SSBP2: variants seen among roughly 807,000 people sequenced by gnomAD.
SSBP2 encodes single-stranded DNA-binding protein 2.
A neutral mutation model predicts 61.8 loss-of-function variants in SSBP2; 17 were observed. The observed-to-expected ratio is 0.28, with a 90% CI of 0.19 to 0.41. The LOEUF is 0.41. Among genes scored for constraint, SSBP2 ranks in the 10% least tolerant of loss-of-function variants. The probability of loss-of-function intolerance (pLI) is 1.00; values close to 1 mark genes in which losing one functional copy is unlikely to be tolerated. For missense variants in SSBP2, 310 were observed against 458.7 expected, an observed-to-expected ratio of 0.68 and a Z score of 2.96; for synonymous variants, 139 against 141.3, an observed-to-expected ratio of 0.98 and a Z score of 0.12.
intron 1 of SSBP2, among the ~76,000 whole-genome samples, chr5:81,653,545 C>A (rs1749940285): frequency 6.6e-6 from 1 of 152,168 alleles, no homozygotes; most frequent in Non-Finnish European, 1.5e-5. Context: ...AATGGTTGAA[C>A]TAATTTACAC....
At chr5:81,526,317 AT>A (rs1418839703) in intron 4 of SSBP2, among the ~76,000 whole-genome samples, 2 of 151,970 alleles carry the variant, frequency 1.3e-5, no homozygotes, top group African/African-American at 4.8e-5. Context: ...TCTAGAACAA[AT>A]TGTTTATTGT....
At chr5:81,696,377 T>C (rs1394227418) in intron 1 of SSBP2, among the ~76,000 whole-genome samples, 2 of 152,184 alleles carry the variant, frequency 1.3e-5, no homozygotes, top group Admixed American at 1.3e-4. Flanking sequence ...CTCTTTTCTC[T>C]CTTGTCCTTG....
rs546141896 is a variant in SSBP2, at chr5:81,513,330, C to T, written c.372+298G>A. 4.1e-4 allele frequency among the ~76,000 whole-genome samples: 62 copies of T among 152,198 alleles called. No individual in the cohort carries two copies. In the South Asian group the frequency reaches 0.013, roughly 31 times the overall value. On this transcript the variant is annotated intron_variant, in intron 5 of 16. Coordinates refer to ENST00000320672, the MANE Select transcript of SSBP2 (RefSeq NM_012446.5). ...CTCTTTCCAGAACCTCATATTTAGTCTGTTCTCCCACAAAATATTTACCAC... is the reference window on the plus strand; with the variant it reads ...CTCTTTCCAGAACCTCATATTTAGTTTGTTCTCCCACAAAATATTTACCAC...
chr5:81,722,368 A>C (rs1021670069), intron 1 of SSBP2, among the ~76,000 whole-genome samples: 1 of 151,022 alleles, frequency 6.6e-6, no homozygotes, highest in Admixed American at 6.6e-5. Context: ...GCTCAAGGTC[A>C]GTCGCCTTAC....
At chr5:81,421,026 T>C (rs1235188153) in intron 16 of SSBP2, among the ~76,000 whole-genome samples, 1 of 152,190 alleles carries the variant, frequency 6.6e-6, no homozygotes, top group Admixed American at 6.5e-5. Flanking sequence ...ATGTATTTAT[T>C]GAATACACAG....
intron 4 of SSBP2, among the ~76,000 whole-genome samples, chr5:81,561,485 A>G (rs181692447): frequency 9.7e-4 from 148 of 152,312 alleles, no homozygotes; most frequent in African/African-American, 3.2e-3. Context: ...GGTTATATGT[A>G]CCACGAACAT....
chr5:81,558,704 T>C (rs909320160), intron 4 of SSBP2, among the ~76,000 whole-genome samples: 15 of 152,226 alleles, frequency 9.9e-5, no homozygotes, highest in African/African-American at 3.6e-4. Context: ...TATAAAAGCT[T>C]GGTTAAACTT....
At chr5:81,729,872 G>A (rs1464466528) in intron 1 of SSBP2, among the ~76,000 whole-genome samples, 3 of 152,078 alleles carry the variant, frequency 2.0e-5, no homozygotes, top group Non-Finnish European at 4.4e-5. Context: ...TGAGAAATAA[G>A]TGGTTATATA....
intron 4 of SSBP2, among the ~76,000 whole-genome samples, chr5:81,595,266 A>G (rs528089359): frequency 3.3e-5 from 5 of 152,344 alleles, no homozygotes; most frequent in Admixed American, 6.5e-5. Context: ...TCCTCGACAC[A>G]TACACTCTCC....
intron 4 of SSBP2, among the ~76,000 whole-genome samples, chr5:81,581,382 A>C (rs1252269703): frequency 6.6e-6 from 1 of 152,198 alleles, no homozygotes; most frequent in African/African-American, 2.4e-5. Context: ...AGTCACTGTT[A>C]GCTCTAAAAA....
At chr5:81,447,141 C>G (rs771519195) in intron 11 of SSBP2, among the ~76,000 whole-genome samples, 18 of 152,086 alleles carry the variant, frequency 1.2e-4, no homozygotes, top group Non-Finnish European at 1.8e-4. Context: ...AACAATGAGC[C>G]TGTACCATTA....
intron 3 of SSBP2, among the ~76,000 whole-genome samples, chr5:81,635,809 C>A (rs540198761): frequency 1.3e-5 from 2 of 152,212 alleles, no homozygotes; most frequent in Middle Eastern, 3.4e-3. Flanking sequence ...TGGTCTCGAT[C>A]TCCTGACCTT....
chr5:81,738,754 T>C (rs972152244), intron 1 of SSBP2, among the ~76,000 whole-genome samples: 1 of 152,168 alleles, frequency 6.6e-6, no homozygotes, highest in Non-Finnish European at 1.5e-5. Flanking sequence ...AGCATTTGTA[T>C]TGTTATAGCA....
chr5:81,482,307 T>TA (rs1766051619), intron 6 of SSBP2, among the ~76,000 whole-genome samples: 1 of 152,076 alleles, frequency 6.6e-6, no homozygotes, highest in Non-Finnish European at 1.5e-5. Flanking sequence ...GGCTTCAACT[T>TA]AAGGTCACCA....
chr5:81,660,701 T>C (rs985295764), intron 1 of SSBP2, among the ~76,000 whole-genome samples: 4 of 152,172 alleles, frequency 2.6e-5, no homozygotes, highest in African/African-American at 7.2e-5. Flanking sequence ...TAAAGACATA[T>C]GCACATGTAT....
chr5:81,495,166 G>A (rs941807668), intron 5 of SSBP2, among the ~76,000 whole-genome samples: 3 of 152,104 alleles, frequency 2.0e-5, no homozygotes, highest in African/African-American at 7.2e-5. Context: ...GCTAAAGGTA[G>A]ATCCCTCAGT....
chr5:81,691,107 C>A lies in SSBP2; in HGVS notation c.63-40768G>T, dbSNP rs921085206. 1.3e-5 allele frequency among the ~76,000 whole-genome samples: 2 copies of A among 151,964 alleles called. 1 individual carries two copies. The highest frequency in any genetic ancestry group is 3.9e-4 in the East Asian group (2 of 5,194). On this transcript the variant is annotated intron_variant, in intron 1 of 16. Transcript: ENST00000320672. ...GAAAGTTTATAGCTATAAACACCTA[C>A]ATCAAAAGAGTAGAAAAACTTCAAA...
At chr5:81,652,588 T>C (rs1268963691) in intron 1 of SSBP2, among the ~76,000 whole-genome samples, 1 of 152,148 alleles carries the variant, frequency 6.6e-6, no homozygotes, top group African/African-American at 2.4e-5. Flanking sequence ...CTATCTATAA[T>C]GCTACCTCAT....
chr5:81,638,831 A>G (rs1230233019), intron 2 of SSBP2, among the ~76,000 whole-genome samples: 1 of 152,222 alleles, frequency 6.6e-6, no homozygotes, highest in East Asian at 1.9e-4. Flanking sequence ...CCTAGCATAA[A>G]TGGAAAAAGT....
Sources: gnomAD v4.1 joint callset for allele counts (sites outside exome capture counted in the v4.1 genomes callset) on GRCh38, gnomAD v4.1.1 for gene constraint, MANE v1.5 for transcripts, NCBI Gene and HGNC (gene_info 2026-07-23, HGNC 2026-07-21) for gene names.